Variants in WDFY4 observed in about 807,000 individuals in gnomAD.
WDFY4 encodes WD repeat- and FYVE domain-containing protein 4.
In WDFY4, 169 loss-of-function variants were observed where a neutral mutation model predicts 351.9. That is an observed-to-expected ratio of 0.48 (90% CI 0.42 to 0.55). The LOEUF (loss-of-function observed/expected upper bound fraction) is 0.55, where lower values mean the gene tolerates loss of function less well. Among genes scored for constraint, WDFY4 ranks in the 20% least tolerant of loss-of-function variants. WDFY4 has a pLI of 0.00. For synonymous variants in WDFY4, 1,622 were observed against 1,574.6 expected (o/e 1.03, Z -0.71); for missense variants, 3,803 against 3,935.6 (o/e 0.97, Z 0.90).
chr10:48,729,376 G>A (rs189460707), intron 7 of WDFY4, 56 bp from the exon 8 acceptor site: 63 of 1,539,590 alleles, frequency 4.1e-5, no homozygotes, highest in East Asian at 2.7e-4. Context: ...CACCATGCAC[G>A]CATGTGGCTG....
Position 48,784,611 on chromosome 10 carries a change from G to A in WDFY4, c.3577-2028G>A, listed in dbSNP as rs2066337836. 3.1e-5 allele frequency among the ~76,000 whole-genome samples: 4 copies of A among 128,236 alleles called. No homozygotes were observed. In the South Asian group the frequency reaches 7.7e-4, roughly 25 times the overall value. The allele number at this position is 128,236 out of a possible 152,430, so 84.1% of individuals were successfully genotyped here. ...GGCTGGAGTGAAGTGGTGCAATCTC[G>A]GCTCACTGAAACCTCTGCCTCCTGG... is the stretch of plus-strand genomic sequence containing the variant. On this transcript the variant is annotated intron_variant, in intron 19 of 61. Transcript: ENST00000325239.
chr10:48,739,535 A>G (rs2064784781), intron 11 of WDFY4, among the ~76,000 whole-genome samples: 1 of 152,206 alleles, frequency 6.6e-6, no homozygotes, highest in South Asian at 2.1e-4. Context: ...ATTTTCCTTT[A>G]TGATAGAAAT....
At chr10:48,897,321 T>A (rs1221673886) in intron 44 of WDFY4, 133 bp from the exon 45 acceptor site, 1 of 1,289,182 alleles carries the variant, frequency 7.8e-7, no homozygotes, top group Non-Finnish European at 1.1e-6. Flanking sequence ...TGGTTGGCAG[T>A]GACCACCGCA....
chr10:48,781,441 C>T (rs1461362435), intron 19 of WDFY4, among the ~76,000 whole-genome samples: 4 of 152,182 alleles, frequency 2.6e-5, no homozygotes, highest in East Asian at 1.9e-4. Context: ...GGATTACAAG[C>T]GCCCACCACC....
intron 45 of WDFY4, 121 bp downstream of exon 45, chr10:48,897,695 A>T: frequency 1.4e-6 from 2 of 1,427,598 alleles, no homozygotes; most frequent in South Asian, 2.9e-5. Context: ...TGCACAGCCC[A>T]GTGCCCTTAA....
intron 34 of WDFY4, 137 bp from the exon 35 acceptor site, chr10:48,822,243 G>T: frequency 1.0e-6 from 1 of 969,476 alleles, no homozygotes; most frequent in Non-Finnish European, 1.4e-6. Flanking sequence ...CACCTCGTCA[G>T]TACAAGACTC....
intron 22 of WDFY4, 86 bp from the exon 23 acceptor site, chr10:48,790,641 T>A (rs2066646511): frequency 3.5e-6 from 5 of 1,428,226 alleles, no homozygotes; most frequent in Non-Finnish European, 4.7e-6. Context: ...CACTGGTAGC[T>A]CATTGGTCCT....
At chr10:48,972,420 T>C (rs79090051) in intron 57 of WDFY4, among the ~76,000 whole-genome samples, 2,641 of 152,372 alleles carry the variant, frequency 0.017, 50 homozygotes, top group Non-Finnish European at 0.023. Flanking sequence ...CATATTTATA[T>C]CTTTCTGATC....
chr10:48,721,840 T>A (rs2064098361), intron 4 of WDFY4, among the ~76,000 whole-genome samples: 1 of 152,170 alleles, frequency 6.6e-6, no homozygotes, highest in African/African-American at 2.4e-5. Flanking sequence ...TCTATCTGAT[T>A]CTAGAACCCA....
At chr10:48,952,788 C>T (rs1841391297) in intron 51 of WDFY4, among the ~76,000 whole-genome samples, 1 of 152,224 alleles carries the variant, frequency 6.6e-6, no homozygotes, top group South Asian at 2.1e-4. Flanking sequence ...ATCCCGTCCT[C>T]TGTGAGAGCA....
intron 57 of WDFY4, among the ~76,000 whole-genome samples, chr10:48,972,797 T>C (rs1328452339): frequency 6.6e-6 from 1 of 152,224 alleles, no homozygotes; most frequent in Admixed American, 6.5e-5. Context: ...AGAGCACCCG[T>C]TTCATGGCAA....
At chr10:48,924,288 C>G (rs1001271326) in intron 47 of WDFY4, among the ~76,000 whole-genome samples, 4 of 152,176 alleles carry the variant, frequency 2.6e-5, no homozygotes, top group Non-Finnish European at 5.9e-5. Context: ...GGCTCAGGGT[C>G]CATCCTGACC....
intron 24 of WDFY4, among the ~76,000 whole-genome samples, chr10:48,797,322 G>A (rs1456920634): frequency 6.6e-6 from 1 of 151,966 alleles, no homozygotes; most frequent in African/African-American, 2.4e-5. Context: ...CTTTAGCCTG[G>A]GCATGTGGAG....
intron 39 of WDFY4, among the ~76,000 whole-genome samples, chr10:48,863,373 G>T (rs1374276367): frequency 6.6e-6 from 1 of 151,994 alleles, no homozygotes; most frequent in Non-Finnish European, 1.5e-5. Flanking sequence ...CTAAAGTTTT[G>T]ATTCTAACCA....
chr10:48,890,263 C>A (rs1198928378), intron 43 of WDFY4, among the ~76,000 whole-genome samples: 1 of 152,090 alleles, frequency 6.6e-6, no homozygotes, highest in East Asian at 1.9e-4. Flanking sequence ...GGATGCTTTG[C>A]ATGGTTGTAG....
At chr10:48,717,133 G>C (rs949905898) in intron 2 of WDFY4, among the ~76,000 whole-genome samples, 4 of 152,354 alleles carry the variant, frequency 2.6e-5, no homozygotes, top group African/African-American at 9.6e-5. Flanking sequence ...CTTGTGGTGA[G>C]GATTAGTGGA....
intron 30 of WDFY4, among the ~76,000 whole-genome samples, chr10:48,812,989 G>A (rs1021917218): frequency 1.3e-5 from 2 of 152,162 alleles, no homozygotes; most frequent in African/African-American, 4.8e-5. Flanking sequence ...CCCAGACAGA[G>A]GAGACCATTT....
At chr10:48,762,532 G>A (rs2065540088) in intron 13 of WDFY4, among the ~76,000 whole-genome samples, 1 of 152,254 alleles carries the variant, frequency 6.6e-6, no homozygotes, top group African/African-American at 2.4e-5. Context: ...GGATTCAGAA[G>A]GGCACAACAG....
Position 48,959,829 on chromosome 10 carries a change from A to C in WDFY4, c.8223+16A>C. ...GCACAGAAAGGTGAGTCAGGCCAGG[A>C]CCCCTGGTATCCTGCTGGGGACCTG... On this transcript the variant is annotated intron_variant, in intron 53 of 61. Coordinates refer to ENST00000325239, the MANE Select transcript of WDFY4 (RefSeq NM_001394531.1). 1.3e-6 allele frequency: 2 copies of C among 1,542,190 alleles called. No individual in the cohort carries two copies. The highest frequency in any genetic ancestry group is 1.8e-6 in the Non-Finnish European group (2 of 1,141,454).
Sources: gnomAD v4.1 joint callset for allele counts (sites outside exome capture counted in the v4.1 genomes callset) on GRCh38, gnomAD v4.1.1 for gene constraint, MANE v1.5 for transcripts, NCBI Gene and HGNC (gene_info 2026-07-23, HGNC 2026-07-21) for gene names.